Variants in MGAM2 observed in about 807,000 individuals in gnomAD.
MGAM2 encodes the protein probable maltase-glucoamylase 2.
In MGAM2, 98 loss-of-function variants were observed where a neutral mutation model predicts 96.1. The observed-to-expected ratio is 1.02, with a 90% CI of 0.87 to 1.21. The LOEUF is 1.21. Among genes scored for constraint, MGAM2 ranks in the 50% most tolerant of loss-of-function variants. The pLI is 0.00. For missense variants in MGAM2, 2,055 were observed against 1,182.4 expected (o/e 1.74, Z -10.82); for synonymous variants, 749 against 414.8 (o/e 1.81, Z -9.79).
chr7:142,158,017 G>A lies in MGAM2; in HGVS notation c.2004G>A (p.Leu668=). The change falls in exon 18 of 48, where the codon TTG becomes TTA. Residue 668 remains leucine, a synonymous_variant. Coordinates refer to ENST00000477922, the MANE Select transcript of MGAM2 (RefSeq NM_001293626.2). ...SRHYLNIRYT[L]LPYLYTLFYH... ...ATTATCTGAACATCCGCTACACCTT[G>A]CTGCCCTATCTCTATACCCTTTTCT... 1.4e-6 allele frequency: 1 copy of A among 703,006 alleles called. No homozygotes were observed. Among genetic ancestry groups the A allele is most frequent in the Non-Finnish European group, 2.6e-6 (1 of 385,004 alleles). The allele number at this position is 703,006 out of a possible 1,614,324, so 43.5% of individuals were successfully genotyped here.
intron 33 of MGAM2, among the ~76,000 whole-genome samples, chr7:142,183,976 TTTTTTTTTTTTTTTG>T (rs1796618967): frequency 1.0e-5 from 1 of 99,552 alleles, no homozygotes; most frequent in African/African-American, 4.9e-5. Flanking sequence ...TTTTTTTTTT[TTTTTTTTTTTTTTTG>T]AGATGGAGTG....
Position 142,220,033 on chromosome 7 carries a change from CA to C in MGAM2, c.5524del (p.Ile1842SerfsTer251). The C allele has an allele frequency of 1.4e-6, 1 of 702,934 alleles. No homozygotes were observed. Among genetic ancestry groups the C allele is most frequent in the Non-Finnish European group, 2.6e-6 (1 of 384,946 alleles). The allele number at this position is 702,934 out of a possible 1,614,324, so 43.5% of individuals were successfully genotyped here. A position where few individuals can be genotyped will look rare whatever the true frequency, so the allele number is the denominator to read the frequency against. On this transcript the variant is annotated frameshift_variant, in exon 48 of 48. Coordinates refer to ENST00000477922, the MANE Select transcript of MGAM2 (RefSeq NM_001293626.2). LOFTEE classifies it low-confidence loss of function (END_TRUNC). ...PSTTNATSSE[T>X]ITSSASANTT... ...ACTACCAATGCCACCAGTTCTGAGA[CA>C]ATCACCAGTTCTGCCAGTGCAAATA...
At chr7:142,181,612 C>T (rs941972376) in intron 32 of MGAM2, among the ~76,000 whole-genome samples, 1 of 152,200 alleles carries the variant, frequency 6.6e-6, no homozygotes, top group Non-Finnish European at 1.5e-5. Context: ...CCAAGGGCGT[C>T]CCTGACAGGC....
intron 23 of MGAM2, among the ~76,000 whole-genome samples, chr7:142,162,820 T>A (rs1795927393): frequency 6.6e-6 from 1 of 151,728 alleles, no homozygotes; most frequent in African/African-American, 2.4e-5. Flanking sequence ...TATGGTAACA[T>A]CTTATAAACC....
rs1408473231 is a variant in MGAM2 at position 142,221,511 on chromosome 7, A to G, written c.7000A>G (p.Thr2334Ala). Residue 2334 changes from threonine (T) to alanine (A), a missense_variant, in exon 48 of 48, where the codon ACC becomes GCC. Physicochemically the swap from Thr to Ala is moderately conservative, Grantham distance 58 (BLOSUM62 0). Coordinates refer to ENST00000477922, the MANE Select transcript of MGAM2 (RefSeq NM_001293626.2). ...TACTGATAAAATTACTAATTTTACT[A>G]CCCCTACAAATGCAAACACCATTAT... ...FTTDKITNFTTPTNANTIIFN... is the reference protein window; with the variant it reads ...FTTDKITNFTAPTNANTIIFN... 3.7e-6 allele frequency: 2 copies of G among 543,608 alleles called. No individual in the cohort carries two copies. The highest frequency in any genetic ancestry group is 1.9e-5 in the African/African-American group (1 of 53,178). The allele number at this position is 543,608 out of a possible 1,614,324, so 33.7% of individuals were successfully genotyped here. A position where few individuals can be genotyped will look rare whatever the true frequency, so the allele number is the denominator to read the frequency against.
intron 15 of MGAM2, among the ~76,000 whole-genome samples, chr7:142,149,573 C>G (rs1264274282): frequency 6.6e-6 from 1 of 151,884 alleles, no homozygotes; most frequent in East Asian, 1.9e-4. Context: ...CGGAGTCTCG[C>G]TCTGTCGCCC....
At chr7:142,184,254 T>C (rs956577565) in intron 33 of MGAM2, among the ~76,000 whole-genome samples, 1 of 152,146 alleles carries the variant, frequency 6.6e-6, no homozygotes, top group African/African-American at 2.4e-5. Context: ...ATTACAGGCG[T>C]AAGCCACTGT....
At chr7:142,175,554 C>T (rs1796346970) in intron 31 of MGAM2, 98 bp from the exon 32 acceptor site, 2 of 633,210 alleles carry the variant, frequency 3.2e-6, no homozygotes, top group Admixed American at 2.7e-5. Context: ...TGGAATGGGG[C>T]AGGCAGGCAG....
At chr7:142,156,459 A>G (rs771100028) in intron 17 of MGAM2, among the ~76,000 whole-genome samples, 53 of 152,318 alleles carry the variant, frequency 3.5e-4, no homozygotes, top group Non-Finnish European at 6.5e-4. Flanking sequence ...TGGAAAAAAA[A>G]TTTACGTTGA....
intron 46 of MGAM2, among the ~76,000 whole-genome samples, 199 bp from the exon 47 acceptor site, chr7:142,218,162 A>G (rs992423489): frequency 1.3e-5 from 2 of 152,164 alleles, no homozygotes. Flanking sequence ...ATCACTACAC[A>G]TTGTATACAT....
intron 41 of MGAM2, 41 bp from the exon 42 acceptor site, chr7:142,197,603 C>T (rs1360018286): frequency 8.5e-6 from 6 of 703,024 alleles, no homozygotes; most frequent in Non-Finnish European, 1.6e-5. Context: ...CTGTAGCAGT[C>T]ATAAGAGGAT....
At chr7:142,196,934 A>C (rs534705564) in intron 40 of MGAM2, 118 bp downstream of exon 40, 2 of 612,046 alleles carry the variant, frequency 3.3e-6, no homozygotes, top group South Asian at 4.0e-5. Context: ...CCAGAATCTT[A>C]ATTTCTTGGA....
At chr7:142,197,005 A>G (rs997779835) in intron 40 of MGAM2, among the ~76,000 whole-genome samples, 189 bp downstream of exon 40, 3 of 152,206 alleles carry the variant, frequency 2.0e-5, no homozygotes, top group Non-Finnish European at 4.4e-5. Context: ...ACCTTTTCTC[A>G]TCTCCTGGAG....
intron 9 of MGAM2, among the ~76,000 whole-genome samples, chr7:142,138,078 G>C (rs1288920177): frequency 6.6e-6 from 1 of 152,106 alleles, no homozygotes; most frequent in Admixed American, 6.6e-5. Flanking sequence ...AGCTGGGCAT[G>C]GTGGCGTGTG....
rs762365091 is a variant in MGAM2 at position 142,133,999 on chromosome 7, G to T, written c.594G>T (p.Gly198=). ...GGCCCAGGTTGGACACGAGCATCGG[G>T]CCCCTCCAGTTTGCCCAGCAGTACC... The part of the protein sequence containing the change: ...NRRVLLDTSI[G]PLQFAQQYLQ... The change falls in exon 7 of 48, where the codon GGG becomes GGT. Residue 198 remains glycine, a synonymous_variant. Transcript: ENST00000477922. 1.4e-6 allele frequency: 1 copy of T among 716,960 alleles called. No individual in the cohort carries two copies. Among genetic ancestry groups the T allele is most frequent in the South Asian group, 1.5e-5 (1 of 68,728 alleles). The allele number at this position is 716,960 out of a possible 1,614,324, so 44.4% of individuals were successfully genotyped here.
rs147351317 is a variant in MGAM2 at position 142,154,355 on chromosome 7, T to C, written c.1806+166T>C. ...CGTGAGCTGCCTTCTGAAGATAGAA[T>C]GGTAGTACTTTATCACTGAGTTGTC... On this transcript the variant is annotated intron_variant, in intron 16 of 47. Coordinates refer to ENST00000477922, the MANE Select transcript of MGAM2 (RefSeq NM_001293626.2). Among the ~76,000 whole-genome samples the C allele has an allele frequency of 3.1e-3, 465 of 152,320 alleles. 3 individuals are homozygous for C. Among genetic ancestry groups the C allele is most frequent in the African/African-American group, 0.011 (438 of 41,566 alleles).
intron 9 of MGAM2, among the ~76,000 whole-genome samples, chr7:142,137,771 A>G (rs1252092876): frequency 2.0e-5 from 3 of 152,230 alleles, no homozygotes; most frequent in African/African-American, 7.2e-5. Context: ...AAGAAGTCAG[A>G]CACCATCCTG....
chr7:142,149,229 C>CAAA (rs72418423), intron 15 of MGAM2, among the ~76,000 whole-genome samples: 59,489 of 147,114 alleles, frequency 0.4, 13,541 homozygotes, highest in East Asian at 0.68. Flanking sequence ...AACTCCGTCT[C>CAAA]AAAAAAAAAA....
At chr7:142,111,903 T>C (rs181532030) in intron 1 of MGAM2, 96 bp downstream of exon 1, 1 of 152,416 alleles carries the variant, frequency 6.6e-6, no homozygotes, top group Non-Finnish European at 1.5e-5. Context: ...TGTTAAGTGA[T>C]CTGGATGCCC....
Sources: gnomAD v4.1 joint callset for allele counts (sites outside exome capture counted in the v4.1 genomes callset) on GRCh38, gnomAD v4.1.1 for gene constraint, MANE v1.5 for transcripts, NCBI Gene and HGNC (gene_info 2026-07-23, HGNC 2026-07-21) for gene names.